The following KIFAP3 variants were observed in gnomAD, a reference collection of about 807,000 sequenced individuals.
KIFAP3 encodes the protein kinesin associated protein 3.
KIFAP3 carries 68 observed loss-of-function variants against 106.5 expected under a neutral mutation model. That is an observed-to-expected ratio of 0.64 (90% confidence interval 0.53 to 0.78). The LOEUF (loss-of-function observed/expected upper bound fraction) is 0.78. Among genes scored for constraint, KIFAP3 ranks in the 30% least tolerant of loss-of-function variants. KIFAP3 has a pLI of 0.00. For synonymous variants in KIFAP3, 320 were observed against 311.5 expected (o/e 1.03, Z -0.29); for missense variants, 780 against 941.8 (o/e 0.83, Z 2.25).
chr1:170,034,542 T>C (rs975013105), intron 6 of KIFAP3, 46 bp from the exon 7 acceptor site: 11 of 1,107,702 alleles, frequency 9.9e-6, no homozygotes, highest in Non-Finnish European at 1.4e-5. Flanking sequence ...ATACATTTTA[T>C]GGGTACAGGA....
intron 7 of KIFAP3, among the ~76,000 whole-genome samples, chr1:170,033,092 GTC>G (rs1669499748): frequency 6.6e-6 from 1 of 151,670 alleles, no homozygotes; most frequent in Non-Finnish European, 1.5e-5. Flanking sequence ...CTGATGTAAA[GTC>G]TCTAGGATTC....
At chr1:170,072,640 C>A (rs1671757427) in intron 1 of KIFAP3, among the ~76,000 whole-genome samples, 1 of 152,026 alleles carries the variant, frequency 6.6e-6, no homozygotes. Context: ...TAGGAAGGGA[C>A]TGAAAATATA....
upstream of KIFAP3, among the ~76,000 whole-genome samples, chr1:170,077,709 C>T (rs907938017): frequency 3.9e-5 from 6 of 152,170 alleles, no homozygotes; most frequent in African/African-American, 1.4e-4. Flanking sequence ...CCTTTGGAGT[C>T]GCCTTATCCC....
At chr1:170,038,726 C>CAA (rs1176599258) in intron 4 of KIFAP3, among the ~76,000 whole-genome samples, 4 of 152,102 alleles carry the variant, frequency 2.6e-5, no homozygotes, top group African/African-American at 9.7e-5. Flanking sequence ...AACAATATTT[C>CAA]AAAACGTATT....
At position 170,013,252 on chromosome 1, in the gene KIFAP3, A is replaced by G. The variant is rs150111719; in HGVS notation, c.1183+3210T>C. ...CCCTTATAGAAACCTGAACGACCTA[A>G]GATAACTGTGTATGAAATGATTAAA... On this transcript the variant is annotated intron_variant, in intron 10 of 19. Transcript: ENST00000361580. Among the ~76,000 whole-genome samples the G allele has an allele frequency of 3.9e-3, 600 of 152,236 alleles. 1 individual carries two copies. Among genetic ancestry groups the G allele is most frequent in the South Asian group, 6.0e-3 (29 of 4,826 alleles).
chr1:169,998,901 A>G (rs1558232921), intron 10 of KIFAP3, among the ~76,000 whole-genome samples: 1 of 152,200 alleles, frequency 6.6e-6, no homozygotes, highest in Admixed American at 6.5e-5. Context: ...CATCTAGCAG[A>G]TATCTGGAAC....
chr1:170,034,464 T>G lies in KIFAP3; in HGVS notation c.650A>C (p.Tyr217Ser), dbSNP rs768467470. Residue 217 changes from tyrosine (Y) to serine (S), a missense_variant, in exon 7 of 20, where the codon TAT (tyrosine) becomes TCT (serine). Physicochemically the swap from Tyr to Ser is moderately radical, Grantham distance 144. Transcript: ENST00000361580. ...FSQFHGLITH[Y>S]KIGALCMNII... ...ATTCATACACAGAGCTCCAATTTTA[T>G]AGTGAGTAATAAGTCCATGAAATTG... The G allele has an allele frequency of 6.6e-7, 1 of 1,517,904 alleles. No individual in the cohort carries two copies. The highest frequency in any genetic ancestry group is 9.1e-7 in the Non-Finnish European group (1 of 1,099,758). 94.0% of individuals were successfully genotyped at this position (1,517,904 alleles called of 1,614,324 possible).
At chr1:169,931,395 G>A (rs1571511436) in intron 19 of KIFAP3, among the ~76,000 whole-genome samples, 1 of 152,122 alleles carries the variant, frequency 6.6e-6, no homozygotes, top group African/African-American at 2.4e-5. Flanking sequence ...GCTCTAATAG[G>A]TACCTAATGG....
chr1:170,052,473 T>G (rs1176661735), intron 2 of KIFAP3, among the ~76,000 whole-genome samples: 1 of 152,168 alleles, frequency 6.6e-6, no homozygotes, highest in East Asian at 1.9e-4. Flanking sequence ...AAAGAGGGAC[T>G]CCTTCCTAAC....
chr1:169,939,414 A>T (rs1298746677), intron 19 of KIFAP3, among the ~76,000 whole-genome samples: 1 of 152,200 alleles, frequency 6.6e-6, no homozygotes, highest in African/African-American at 2.4e-5. Flanking sequence ...GAGAAGATTA[A>T]GGGAGGAACC....
At chr1:170,080,240 A>G (rs1302357810) in intron 1 of KIFAP3, among the ~76,000 whole-genome samples, 1 of 152,106 alleles carries the variant, frequency 6.6e-6, no homozygotes, top group Non-Finnish European at 1.5e-5. Context: ...ACTGAAAACC[A>G]TGAAACAGCA....
At chr1:170,020,661 G>A (rs1391528860) in intron 9 of KIFAP3, among the ~76,000 whole-genome samples, 1 of 152,184 alleles carries the variant, frequency 6.6e-6, no homozygotes, top group East Asian at 1.9e-4. Context: ...TATTAGTCAC[G>A]ATGGTCTCTA....
chr1:170,076,465 A>G (rs780063332), upstream of KIFAP3, among the ~76,000 whole-genome samples: 6 of 152,186 alleles, frequency 3.9e-5, no homozygotes, highest in Non-Finnish European at 7.3e-5. Flanking sequence ...TGGGAATCAA[A>G]TGGAATTACT....
intron 8 of KIFAP3, among the ~76,000 whole-genome samples, chr1:170,030,218 A>T (rs1197668956): frequency 6.6e-6 from 1 of 151,914 alleles, no homozygotes; most frequent in Admixed American, 6.6e-5. Context: ...TATCCAAAAC[A>T]TATAAAGAAT....
At chr1:170,019,070 T>C (rs2102008734) in intron 9 of KIFAP3, among the ~76,000 whole-genome samples, 1 of 152,006 alleles carries the variant, frequency 6.6e-6, no homozygotes, top group South Asian at 2.1e-4. Context: ...AAGGAAACAG[T>C]ACCAAAAATT....
chr1:170,065,187 T>A (rs12137487), intron 1 of KIFAP3, among the ~76,000 whole-genome samples: 9,633 of 152,278 alleles, frequency 0.063, 389 homozygotes, highest in Non-Finnish European at 0.095. Flanking sequence ...GACATTAATA[T>A]GGTCATTTTA....
intron 17 of KIFAP3, among the ~76,000 whole-genome samples, chr1:169,971,899 C>A (rs1342624889): frequency 6.6e-6 from 1 of 151,822 alleles, no homozygotes; most frequent in Non-Finnish European, 1.5e-5. Flanking sequence ...GTGCAAGGCC[C>A]AAATCCAGGC....
intron 19 of KIFAP3, among the ~76,000 whole-genome samples, chr1:169,946,891 T>C (rs1372090221): frequency 6.6e-6 from 1 of 151,984 alleles, no homozygotes; most frequent in Non-Finnish European, 1.5e-5. Flanking sequence ...GTAAAGATTA[T>C]GTAAGATCAA....
intron 19 of KIFAP3, among the ~76,000 whole-genome samples, chr1:169,932,695 T>C (rs1408911491): frequency 7.8e-6 from 1 of 128,056 alleles, no homozygotes; most frequent in African/African-American, 3.0e-5. Flanking sequence ...CCAGACTTTT[T>C]TTTTTTTTTA....
Sources: gnomAD v4.1 joint callset for allele counts (sites outside exome capture counted in the v4.1 genomes callset) on GRCh38, gnomAD v4.1.1 for gene constraint, MANE v1.5 for transcripts, NCBI Gene and HGNC (gene_info 2026-07-23, HGNC 2026-07-21) for gene names.